LRP6: variants seen among roughly 807,000 people sequenced by gnomAD.
LRP6 encodes low-density lipoprotein receptor-related protein 6.
Under a neutral mutation model 184.1 loss-of-function variants are expected in LRP6, and 43 were observed. The ratio of observed to expected loss-of-function variants is 0.23; its 90% confidence interval spans 0.18 to 0.30. The LOEUF (loss-of-function observed/expected upper bound fraction) is 0.30, where lower values mean the gene tolerates loss of function less well. Ranked by LOEUF, LRP6 falls within the 10% of genes least tolerant of loss-of-function variation. The pLI is 1.00. For missense variants in LRP6, 1,571 were observed against 2,005.3 expected (o/e 0.78, Z 4.14); for synonymous variants, 719 against 684.9 (o/e 1.05, Z -0.78).
chr12:12,258,732 A>T (rs1363847395), intron 1 of LRP6, among the ~76,000 whole-genome samples: 1 of 152,266 alleles, frequency 6.6e-6, no homozygotes, highest in African/African-American at 2.4e-5. Flanking sequence ...TCAGACTTGC[A>T]AAACATAGTA....
Position 12,119,986 on chromosome 12 carries a change from ACAAAATATATATATATATAT to A in LRP6, c.*1120_*1139del, listed in dbSNP as rs1446657957. 18 of 109,570 alleles carry A rather than the reference ACAAAATATATATATATATAT, an allele frequency of 1.6e-4. No homozygotes were observed. The highest frequency in any genetic ancestry group is 5.7e-4 in the African/African-American group (17 of 29,822). The allele number at this position is 109,570 out of a possible 1,614,324, so 6.8% of individuals were successfully genotyped here. A position where few individuals can be genotyped will look rare whatever the true frequency, so the allele number is the denominator to read the frequency against. Reference sequence around the variant, plus strand: ...TTTTACTCAGAAAACAAACAAACAAACAAAATATATATATATATATATATATATATATATATATATATATA... The same window carrying A: ...TTTTACTCAGAAAACAAACAAACAAAATATATATATATATATATATATATA... On this transcript the variant is annotated 3_prime_UTR_variant, in exon 23 of 23. Coordinates refer to ENST00000261349, the MANE Select transcript of LRP6 (RefSeq NM_002336.3).
chr12:12,147,460 T>TA lies in LRP6; in HGVS notation c.3302dup (p.Leu1101PhefsTer3). 6.2e-7 allele frequency: 1 copy of TA among 1,614,096 alleles called. No individual in the cohort carries two copies. Among genetic ancestry groups the TA allele is most frequent in the Non-Finnish European group, 8.5e-7 (1 of 1,180,016 alleles). ...CAAGGGCTAAAGCAATTGGTTTACT[T>TA]AAGCCACTGAAAAAGAGGACCTCCC... On this transcript the variant is annotated frameshift_variant, in exon 15 of 23. Transcript: ENST00000261349. LOFTEE classifies it high-confidence loss of function.
intron 2 of LRP6, among the ~76,000 whole-genome samples, chr12:12,209,625 A>ATTTTT: frequency 6.6e-6 from 1 of 152,242 alleles, no homozygotes; most frequent in Non-Finnish European, 1.5e-5. Context: ...TTAAATTAAA[A>ATTTTT]AGCTCATTAC....
chr12:12,131,797 G>A lies in LRP6; in HGVS notation c.3970+24C>T. On this transcript the variant is annotated intron_variant, in intron 18 of 22. Coordinates refer to ENST00000261349, the MANE Select transcript of LRP6 (RefSeq NM_002336.3). ...GAATGGGAAAAAAGGATTGCATGCT[G>A]AGGCACTGAAGAATTCTGGATACCT... is the stretch of plus-strand genomic sequence containing the variant. The A allele has an allele frequency of 1.9e-6, 3 of 1,577,504 alleles. No individual in the cohort carries two copies. In the South Asian group the frequency reaches 3.3e-5, roughly 17 times the overall value.
At chr12:12,188,675 A>C (rs1255988356) in intron 3 of LRP6, among the ~76,000 whole-genome samples, 1 of 152,160 alleles carries the variant, frequency 6.6e-6, no homozygotes, top group East Asian at 1.9e-4. Flanking sequence ...ATTTTCCTTA[A>C]TCCTCTCTTC....
chr12:12,261,448 T>C (rs1477517212), intron 1 of LRP6, among the ~76,000 whole-genome samples: 2 of 151,750 alleles, frequency 1.3e-5, no homozygotes, highest in African/African-American at 4.8e-5. Flanking sequence ...CTATTAGCCC[T>C]TCTGATAATA....
chr12:12,162,632 G>A (rs947848720), intron 9 of LRP6, among the ~76,000 whole-genome samples: 1 of 152,124 alleles, frequency 6.6e-6, no homozygotes, highest in Non-Finnish European at 1.5e-5. Context: ...CAATTCAGGG[G>A]AGAAATTTTA....
At chr12:12,232,346 T>C (rs1241358717) in intron 2 of LRP6, among the ~76,000 whole-genome samples, 1 of 149,578 alleles carries the variant, frequency 6.7e-6, no homozygotes. Flanking sequence ...ATCGTACCAC[T>C]GCACTCCAGC....
intron 1 of LRP6, among the ~76,000 whole-genome samples, chr12:12,248,367 ATT>A (rs1170454078): frequency 6.6e-6 from 1 of 151,510 alleles, no homozygotes. Flanking sequence ...ACTACCATTC[ATT>A]AGCTATTACT....
At chr12:12,199,979 A>AAC (rs1863871404) in intron 3 of LRP6, among the ~76,000 whole-genome samples, 1 of 147,722 alleles carries the variant, frequency 6.8e-6, no homozygotes, top group African/African-American at 2.6e-5. Context: ...AAAAAAAAAA[A>AAC]AAAAAAAAAA....
At chr12:12,233,198 TG>T (rs1236778362) in intron 2 of LRP6, among the ~76,000 whole-genome samples, 1 of 152,184 alleles carries the variant, frequency 6.6e-6, no homozygotes, top group Admixed American at 6.5e-5. Flanking sequence ...CTGGGCGCGG[TG>T]GCTCATGCTT....
chr12:12,231,023 A>C (rs969622665), intron 2 of LRP6, among the ~76,000 whole-genome samples: 3 of 151,848 alleles, frequency 2.0e-5, no homozygotes, highest in African/African-American at 4.8e-5. Context: ...TCTACTAAAA[A>C]TACAAAAATT....
rs1409058781 is a variant in LRP6, at chr12:12,120,656, T to A, written c.*470A>T. The A allele has an allele frequency of 2.0e-5, 3 of 152,886 alleles. No homozygotes were observed. The highest frequency in any genetic ancestry group is 7.2e-5 in the African/African-American group (3 of 41,452). The allele number at this position is 152,886 out of a possible 1,614,324, so 9.5% of individuals were successfully genotyped here. On this transcript the variant is annotated 3_prime_UTR_variant, in exon 23 of 23. Coordinates refer to ENST00000261349, the MANE Select transcript of LRP6 (RefSeq NM_002336.3). Reference sequence around the variant, plus strand: ...TTCATCATTTCTTACTTGTTGGCCCTCAAATGTTAGTTAACTGAAGGCTAT... The same window carrying A: ...TTCATCATTTCTTACTTGTTGGCCCACAAATGTTAGTTAACTGAAGGCTAT...
At chr12:12,261,921 G>C (rs1220749222) in intron 1 of LRP6, among the ~76,000 whole-genome samples, 1 of 152,104 alleles carries the variant, frequency 6.6e-6, no homozygotes, top group Non-Finnish European at 1.5e-5. Context: ...AAGTAACGAA[G>C]AATTTTTATA....
chr12:12,180,662 A>G (rs901093899), intron 6 of LRP6, among the ~76,000 whole-genome samples: 56 of 152,304 alleles, frequency 3.7e-4, no homozygotes, highest in Admixed American at 9.1e-4. Flanking sequence ...TTTAGGGAAA[A>G]AAAAGTAAGC....
intron 2 of LRP6, among the ~76,000 whole-genome samples, chr12:12,208,559 T>C (rs886557247): frequency 2.0e-5 from 3 of 152,218 alleles, no homozygotes; most frequent in African/African-American, 4.8e-5. Context: ...ATAGTACTTA[T>C]CAGAGTTTGT....
chr12:12,180,957 A>G (rs1302400004), intron 6 of LRP6, 86 bp downstream of exon 6: 2 of 1,412,984 alleles, frequency 1.4e-6, no homozygotes, highest in Non-Finnish European at 2.0e-6. Context: ...ACCAATATAT[A>G]TGTCATGTTA....
Position 12,148,925 on chromosome 12 carries a change from C to A in LRP6, c.3206+17G>T. ...TCTCAGAAGCCACAGTATCTGAACG[C>A]CACTTTAGTAACATACCCTTTCTCT... is the stretch of plus-strand genomic sequence containing the variant. On this transcript the variant is annotated intron_variant, in intron 14 of 22. Transcript: ENST00000261349. 1 of 1,601,802 alleles carries A rather than the reference C, an allele frequency of 6.2e-7. No individual in the cohort carries two copies. The highest frequency in any genetic ancestry group is 8.5e-7 in the Non-Finnish European group (1 of 1,170,242).
intron 16 of LRP6, among the ~76,000 whole-genome samples, chr12:12,136,968 T>C (rs1156593419): frequency 6.6e-6 from 1 of 152,188 alleles, no homozygotes; most frequent in Non-Finnish European, 1.5e-5. Flanking sequence ...AATAAATAAC[T>C]TAGGTATGAT....
Sources: gnomAD v4.1 joint callset for allele counts (sites outside exome capture counted in the v4.1 genomes callset) on GRCh38, gnomAD v4.1.1 for gene constraint, MANE v1.5 for transcripts, NCBI Gene and HGNC (gene_info 2026-07-23, HGNC 2026-07-21) for gene names.